The following WASHC5 variants were observed in gnomAD, a reference collection of about 807,000 sequenced individuals.
The protein encoded by WASHC5 is WASH complex subunit strumpellin.
WASHC5 carries 101 observed loss-of-function variants against 150.4 expected under a neutral mutation model. That is an observed-to-expected ratio of 0.67 (90% confidence interval 0.57 to 0.79). WASHC5 has a LOEUF of 0.79. WASHC5 is among the 30% of genes least tolerant of loss of function. WASHC5 has a pLI of 0.00. For synonymous variants in WASHC5, 467 were observed against 491.2 expected (o/e 0.95, Z 0.65); for missense variants, 1,195 against 1,396.3 (o/e 0.86, Z 2.30).
intron 28 of WASHC5, among the ~76,000 whole-genome samples, chr8:125,027,759 C>G (rs1815414686): frequency 6.6e-6 from 1 of 152,142 alleles, no homozygotes; most frequent in African/African-American, 2.4e-5. Flanking sequence ...ATCCCAATAA[C>G]TTATGGAAAA....
In WASHC5 at chr8:125,049,162, C is replaced by T. The variant is rs768334652; in HGVS notation, c.2223G>A (p.Leu741=). The T allele has an allele frequency of 6.2e-7, 1 of 1,614,088 alleles. No individual in the cohort carries two copies. Among genetic ancestry groups the T allele is most frequent in the Non-Finnish European group, 8.5e-7 (1 of 1,179,988 alleles). Residue 741 remains leucine, a synonymous_variant, in exon 19 of 29, where the codon CTG becomes CTA. Coordinates refer to ENST00000318410, the MANE Select transcript of WASHC5 (RefSeq NM_014846.4). ...CATCCATGGTCGCTCCCAACTCTTT[C>T]AGCTTGGGCATCAATTCACTTGGCT... ...RAKPSELMPK[L]KELGATMDGF...
chr8:125,087,309 CT>C (rs1436847824), intron 1 of WASHC5, among the ~76,000 whole-genome samples: 3 of 152,178 alleles, frequency 2.0e-5, no homozygotes, highest in Admixed American at 6.5e-5. Context: ...TCTGCTTCCG[CT>C]GATTATTGCA....
At chr8:125,057,836 T>C (rs3763596) in intron 14 of WASHC5, among the ~76,000 whole-genome samples, 170 bp from the exon 15 acceptor site, 4,499 of 152,074 alleles carry the variant, frequency 0.03, 129 homozygotes, top group South Asian at 0.16. Context: ...GTGATGGCAG[T>C]GGTTCTTAAA....
chr8:125,032,522 A>C, intron 26 of WASHC5, 128 bp from the exon 27 acceptor site: 1 of 1,079,740 alleles, frequency 9.3e-7, no homozygotes. Context: ...TTTTGGAGGG[A>C]ATGACAATTC....
chr8:125,056,559 GACA>G (rs1269562943), intron 16 of WASHC5, 115 bp downstream of exon 16: 43 of 1,165,586 alleles, frequency 3.7e-5, no homozygotes, highest in South Asian at 3.4e-4. Context: ...GCAAATGTGA[GACA>G]ACAAGTCAGA....
At chr8:125,052,892 A>G (rs1816285952) in intron 17 of WASHC5, among the ~76,000 whole-genome samples, 1 of 152,172 alleles carries the variant, frequency 6.6e-6, no homozygotes, top group African/African-American at 2.4e-5. Flanking sequence ...TACCTAATCT[A>G]CCAAACATCA....
At position 125,078,917 on chromosome 8, in the gene WASHC5, A is replaced by C. The variant is rs1264869825; in HGVS notation, c.532T>G (p.Ser178Ala). ...SYYRYSAARSSADSNMDDICK... is the reference protein window; with the variant it reads ...SYYRYSAARSAADSNMDDICK... ...ATATCGTCCATATTTGAATCAGCAG[A>C]AGATCGAGCAGCACTGAGTCATATT... Residue 178 changes from serine to alanine, a missense_variant, in exon 6 of 29, where the codon TCT becomes GCT. Transcript: ENST00000318410. 1.5e-5 allele frequency: 25 copies of C among 1,613,790 alleles called. No homozygotes were observed. Among genetic ancestry groups the C allele is most frequent in the Non-Finnish European group, 1.9e-5 (23 of 1,179,836 alleles).
At chr8:125,032,445 A>G in intron 26 of WASHC5, 51 bp from the exon 27 acceptor site, 1 of 1,591,868 alleles carries the variant, frequency 6.3e-7, no homozygotes, top group Non-Finnish European at 8.6e-7. Flanking sequence ...CTTCAGCAAC[A>G]TTCATTAAAT....
In WASHC5 at chr8:125,063,924, A is replaced by T. The variant is rs75434359; in HGVS notation, c.1279-273T>A. On this transcript the variant is annotated intron_variant, in intron 10 of 28. Transcript: ENST00000318410. The stretch of plus-strand genomic sequence containing the variant: ...TAAAGTTTTCAGATTCTCAAGGCCC[A>T]CCCCCAAAGATTCTCGTTCAGGCGG... 0.026 allele frequency among the ~76,000 whole-genome samples: 3,999 copies of T among 152,102 alleles called. 182 individuals carry two copies. Among genetic ancestry groups the T allele is most frequent in the African/African-American group, 0.092 (3,829 of 41,474 alleles).
intron 23 of WASHC5, among the ~76,000 whole-genome samples, chr8:125,042,178 A>G (rs932691252): frequency 6.6e-6 from 1 of 152,086 alleles, no homozygotes; most frequent in African/African-American, 2.4e-5. Context: ...TATTCTACCT[A>G]CTCATTTGCC....
At chr8:125,057,739 T>C in intron 14 of WASHC5, 73 bp from the exon 15 acceptor site, 1 of 964,240 alleles carries the variant, frequency 1.0e-6, no homozygotes, top group Non-Finnish European at 1.7e-6. Context: ...CCAGAAAATG[T>C]AACATACAAC....
chr8:125,051,455 C>T (rs745666228), intron 17 of WASHC5, among the ~76,000 whole-genome samples: 3 of 152,150 alleles, frequency 2.0e-5, no homozygotes, highest in Non-Finnish European at 2.9e-5. Context: ...AATAAGACAA[C>T]TGCAAGGGGG....
chr8:125,087,535 T>C (rs1222896189), intron 1 of WASHC5, among the ~76,000 whole-genome samples: 1 of 151,994 alleles, frequency 6.6e-6, no homozygotes, highest in Admixed American at 6.6e-5. Context: ...TCAAGACCAG[T>C]CTGGGCAACA....
chr8:125,049,037 T>C lies in WASHC5; in HGVS notation c.2348A>G (p.Glu783Gly). The C allele has an allele frequency of 6.2e-7, 1 of 1,613,598 alleles. No homozygotes were observed. ...EVSRIINYNV[E>G]QECNNFLRTK... ...TCTTAGAAAGTTATTACACTCTTGC[T>C]CCACGTTGTAATTTATGATACGAGA... Residue 783 changes from glutamate to glycine, a missense_variant, in exon 19 of 29, where the codon GAG becomes GGG. Physicochemically the swap from Glu to Gly is moderately conservative, Grantham distance 98. Transcript: ENST00000318410.
intron 17 of WASHC5, among the ~76,000 whole-genome samples, chr8:125,053,104 T>C (rs1816294023): frequency 9.3e-6 from 1 of 106,980 alleles, no homozygotes; most frequent in South Asian, 3.9e-4. Flanking sequence ...CCTGTATTTC[T>C]TTTTTTTTTT....
Position 125,043,853 on chromosome 8 carries a change from C to CAAAT in WASHC5, c.2818_2821dup (p.Trp941TyrfsTer25). The CAAAT allele has an allele frequency of 6.2e-7, 1 of 1,612,510 alleles. No homozygotes were observed. Among genetic ancestry groups the CAAAT allele is most frequent in the Non-Finnish European group, 8.5e-7 (1 of 1,178,586 alleles). On this transcript the variant is annotated frameshift_variant, in exon 23 of 29. Coordinates refer to ENST00000318410, the MANE Select transcript of WASHC5 (RefSeq NM_014846.4). LOFTEE classifies it high-confidence loss of function. ...CATTATAGCCTCGAGATACGCAGTC[C>CAAAT]AAATCTTCTGTGTTTTGGCAATGGC...
intron 11 of WASHC5, 27 bp from the exon 12 acceptor site, chr8:125,061,221 T>C: frequency 2.5e-6 from 3 of 1,211,872 alleles, no homozygotes; most frequent in Non-Finnish European, 3.7e-6. Flanking sequence ...AAGAAAATAC[T>C]GAAATCCTCG....
intron 28 of WASHC5, among the ~76,000 whole-genome samples, chr8:125,025,531 TA>T (rs1313394132): frequency 6.6e-6 from 1 of 151,388 alleles, no homozygotes; most frequent in Non-Finnish European, 1.5e-5. Context: ...CTACTGAAAA[TA>T]AAAAAATCAG....
intron 1 of WASHC5, among the ~76,000 whole-genome samples, chr8:125,090,140 G>A (rs1817558558): frequency 6.6e-6 from 1 of 152,210 alleles, no homozygotes; most frequent in Non-Finnish European, 1.5e-5. Flanking sequence ...TACATTTTAT[G>A]TACTAGACCT....
Sources: allele counts gnomAD v4.1 joint callset (sites outside exome capture counted in the v4.1 genomes callset), GRCh38; gene constraint gnomAD v4.1.1; transcripts MANE v1.5; gene names NCBI Gene and HGNC (gene_info 2026-07-23, HGNC 2026-07-21).